The following CUX1 variants were observed in gnomAD, a reference collection of about 807,000 sequenced individuals.
CUX1 encodes the protein cut like homeobox 1, also known as protein CASP.
In CUX1, 31 loss-of-function variants were observed where a neutral mutation model predicts 158.8. The observed-to-expected ratio is 0.20, with a 90% CI of 0.15 to 0.26. The LOEUF is 0.26. Ranked by LOEUF, CUX1 falls within the 10% of genes least tolerant of loss-of-function variation. The pLI is 1.00. For missense variants in CUX1, 1,589 were observed against 2,014.6 expected (o/e 0.79, Z 4.04); for synonymous variants, 879 against 862.1 (o/e 1.02, Z -0.34).
intron 3 of CUX1, among the ~76,000 whole-genome samples, chr7:102,046,008 T>C (rs555617465): frequency 6.6e-6 from 1 of 152,298 alleles, no homozygotes; most frequent in African/African-American, 2.4e-5. Flanking sequence ...CTGGGAAATG[T>C]TTGTTGAATT....
At chr7:101,957,737 A>G (rs1176686312) in intron 2 of CUX1, among the ~76,000 whole-genome samples, 1 of 152,088 alleles carries the variant, frequency 6.6e-6, no homozygotes, top group Non-Finnish European at 1.5e-5. Context: ...TAAAAAATAA[A>G]ATAATTTAAA....
At chr7:102,225,914 C>T (rs1234687215) in intron 20 of CUX1, among the ~76,000 whole-genome samples, 1 of 152,256 alleles carries the variant, frequency 6.6e-6, no homozygotes, top group Non-Finnish European at 1.5e-5. Context: ...GTGTCACCCT[C>T]AGTGGGCATC....
intron 2 of CUX1, among the ~76,000 whole-genome samples, chr7:101,989,736 A>G (rs373740943): frequency 6.6e-6 from 1 of 152,126 alleles, no homozygotes; most frequent in Non-Finnish European, 1.5e-5. Context: ...TGGGCCACAC[A>G]CTTATTTCCT....
chr7:102,162,048 G>A (rs1790486353), intron 9 of CUX1, among the ~76,000 whole-genome samples: 2 of 152,048 alleles, frequency 1.3e-5, no homozygotes, highest in Admixed American at 1.3e-4. Context: ...CCTAATCTTG[G>A]GGTAGCAGGG....
At chr7:101,863,354 T>C (rs1288255888) in intron 1 of CUX1, among the ~76,000 whole-genome samples, 1 of 149,570 alleles carries the variant, frequency 6.7e-6, no homozygotes, top group Admixed American at 6.6e-5. Flanking sequence ...TTTTTTTTTT[T>C]CTTCTTTTTT....
chr7:101,827,284 T>TCTTCTCTTCTCTTCTCTTCG (rs1793432341), intron 1 of CUX1, among the ~76,000 whole-genome samples: 1 of 150,532 alleles, frequency 6.6e-6, no homozygotes, highest in Non-Finnish European at 1.5e-5. Context: ...TCTTCTCTTC[T>TCTTCTCTTCTCTTCTCTTCG]CTTCTCTTCT....
chr7:102,215,653 A>C (rs951707209), intron 20 of CUX1, among the ~76,000 whole-genome samples: 1 of 152,196 alleles, frequency 6.6e-6, no homozygotes, highest in Non-Finnish European at 1.5e-5. Context: ...TGGTTTTTCT[A>C]ATACCATCGT....
intron 2 of CUX1, among the ~76,000 whole-genome samples, chr7:101,957,847 T>A (rs1236327082): frequency 6.6e-6 from 1 of 152,174 alleles, no homozygotes; most frequent in African/African-American, 2.4e-5. Flanking sequence ...CTTATTAATT[T>A]ATTCACCAGA....
At chr7:102,101,660 A>G (rs1829786249) in intron 5 of CUX1, among the ~76,000 whole-genome samples, 6 of 152,194 alleles carry the variant, frequency 3.9e-5, no homozygotes. Flanking sequence ...CTGTAATCCC[A>G]GCACTTTAGG....
chr7:101,863,860 G>A (rs556341571), intron 1 of CUX1, among the ~76,000 whole-genome samples: 19 of 152,226 alleles, frequency 1.2e-4, no homozygotes, highest in Non-Finnish European at 1.8e-4. Context: ...CCTCCATGTC[G>A]TAGCTTGTGT....
chr7:102,028,236 G>A (rs912506469), intron 3 of CUX1, 91 bp downstream of exon 3: 10 of 1,386,146 alleles, frequency 7.2e-6, no homozygotes, highest in Non-Finnish European at 1.0e-5. Flanking sequence ...CGGGCAAAAG[G>A]TGCTGCCCAG....
At chr7:102,130,857 A>T (rs1833135827) in intron 8 of CUX1, among the ~76,000 whole-genome samples, 1 of 151,964 alleles carries the variant, frequency 6.6e-6, no homozygotes, top group African/African-American at 2.4e-5. Flanking sequence ...TTAAAAAAAA[A>T]ATCTCTGCAG....
intron 2 of CUX1, among the ~76,000 whole-genome samples, chr7:101,927,138 T>G (rs891064586): frequency 8.1e-6 from 1 of 123,514 alleles, no homozygotes; most frequent in African/African-American, 2.9e-5. Flanking sequence ...TTGTATCACC[T>G]GTCAACACAA....
At chr7:102,216,618 C>CA in intron 20 of CUX1, among the ~76,000 whole-genome samples, 2 of 58,952 alleles carry the variant, frequency 3.4e-5, no homozygotes, top group South Asian at 1.7e-3. Flanking sequence ...ACACACACTC[C>CA]CCACACACAC....
chr7:102,256,624 T>C lies in CUX1; in HGVS notation c.*7582T>C, dbSNP rs367871507. 46 of 985,404 alleles carry C rather than the reference T, an allele frequency of 4.7e-5. 1 individual carries two copies. The South Asian group carries it at 1.7e-3, about 37-fold the overall frequency. The allele number at this position is 985,404 out of a possible 1,614,324, so 61.0% of individuals were successfully genotyped here. A position where few individuals can be genotyped will look rare whatever the true frequency, so the allele number is the denominator to read the frequency against. On this transcript the variant is annotated 3_prime_UTR_variant, in exon 24 of 24. Coordinates refer to ENST00000292535, the MANE Select transcript of CUX1 (RefSeq NM_181552.4). ...TGAGAGTGTTTATGAACAAAAAAAT[T>C]TACCAACGTGTGAGGGAGTTGCTGA...
chr7:102,148,901 C>G (rs1352774658), intron 8 of CUX1, among the ~76,000 whole-genome samples: 1 of 151,780 alleles, frequency 6.6e-6, no homozygotes. Flanking sequence ...TTAGCTCCCA[C>G]TTACGAGTGA....
At chr7:102,012,039 T>C (rs1004950562) in intron 2 of CUX1, among the ~76,000 whole-genome samples, 1 of 151,880 alleles carries the variant, frequency 6.6e-6, no homozygotes, top group Non-Finnish European at 1.5e-5. Flanking sequence ...CGCTTGAATT[T>C]ATTTATTTAT....
rs369005585 is a variant in CUX1 at position 102,195,554 on chromosome 7, G to A, written c.1173G>A (p.Ser391=). ...TGCTGTTGCTGGAGAAGAACCGCTC[G>A]CTGCAGTCCGAGAACGCCGCGCTGC... ...LEVLLLEKNR[S]LQSENAALRI... is the part of the protein sequence containing the mutation. The change falls in exon 14 of 24, where the codon TCG becomes TCA. Residue 391 remains serine, a synonymous_variant. Transcript: ENST00000292535. 24 of 1,613,118 alleles carry A rather than the reference G, an allele frequency of 1.5e-5. No individual in the cohort carries two copies. In the East Asian group the frequency reaches 2.2e-4, roughly 15 times the overall value.
intron 21 of CUX1, chr7:102,281,966 G>A (rs2132851234): frequency 1.5e-6 from 2 of 1,341,576 alleles, no homozygotes; most frequent in Non-Finnish European, 2.1e-6. Context: ...ACCATCCCCA[G>A]CCCTGACCTC....
Sources: allele counts gnomAD v4.1 joint callset (sites outside exome capture counted in the v4.1 genomes callset), GRCh38; gene constraint gnomAD v4.1.1; transcripts MANE v1.5; gene names NCBI Gene and HGNC (gene_info 2026-07-23, HGNC 2026-07-21).